The following THSD7B variants were observed in gnomAD, a reference collection of about 807,000 sequenced individuals.
The protein encoded by THSD7B is thrombospondin type 1 domain containing 7B.
A neutral mutation model predicts 213.6 loss-of-function variants in THSD7B; 138 were observed. The observed-to-expected ratio is 0.65, with a 90% CI of 0.56 to 0.74. The LOEUF is 0.74. Ranked by LOEUF, THSD7B falls within the 30% of genes least tolerant of loss-of-function variation. THSD7B has a pLI of 0.00. For missense variants in THSD7B, 1,931 were observed against 1,991.5 expected, an observed-to-expected ratio of 0.97 and a Z score of 0.58; for synonymous variants, 742 against 687.0, an observed-to-expected ratio of 1.08 and a Z score of -1.25.
At chr2:136,916,881 A>G (rs572603439) in intron 2 of THSD7B, among the ~76,000 whole-genome samples, 3 of 152,310 alleles carry the variant, frequency 2.0e-5, no homozygotes, top group African/African-American at 7.2e-5. Context: ...CAATGGCTTC[A>G]TTCTTTAGTC....
At chr2:137,180,270 A>T (rs1195361065) in intron 7 of THSD7B, among the ~76,000 whole-genome samples, 1 of 152,188 alleles carries the variant, frequency 6.6e-6, no homozygotes, top group Non-Finnish European at 1.5e-5. Flanking sequence ...ACTGGCTGTT[A>T]TGTGAGACAA....
intron 12 of THSD7B, among the ~76,000 whole-genome samples, chr2:137,322,453 G>A (rs1269735723): frequency 1.3e-5 from 2 of 152,118 alleles, no homozygotes; most frequent in South Asian, 4.1e-4. Context: ...CTTTACATGG[G>A]TTGTATTTAG....
chr2:136,894,505 A>C (rs1683919059), intron 2 of THSD7B, among the ~76,000 whole-genome samples: 1 of 152,180 alleles, frequency 6.6e-6, no homozygotes. Flanking sequence ...AAAAACGGGA[A>C]TGAATGAGAA....
intron 15 of THSD7B, among the ~76,000 whole-genome samples, chr2:137,497,261 G>A (rs1483613157): frequency 1.3e-5 from 2 of 150,972 alleles, no homozygotes; most frequent in East Asian, 1.9e-4. Flanking sequence ...TCTTTTTCTT[G>A]TTAAAGAAAA....
In THSD7B at chr2:137,007,696, A is replaced by ATAAAAAAGAGAT. The variant is rs374106147; in HGVS notation, c.140-48720_140-48709dup. 4.4e-3 allele frequency among the ~76,000 whole-genome samples: 672 copies of ATAAAAAAGAGAT among 152,276 alleles called. 7 individuals carry two copies. The highest frequency in any genetic ancestry group is 0.015 in the African/African-American group (619 of 41,562). ...GACACACTTGTATCATTTTGGTAGC[A>ATAAAAAAGAGAT]TAAAAAAGAGATTAAGGCATACACA... On this transcript the variant is annotated intron_variant, in intron 2 of 27. Transcript: ENST00000409968.
chr2:137,051,706 G>A (rs1367722713), intron 2 of THSD7B, among the ~76,000 whole-genome samples: 2 of 152,092 alleles, frequency 1.3e-5, no homozygotes, highest in Non-Finnish European at 2.9e-5. Flanking sequence ...CTGTGACAGG[G>A]AAAAATGAAA....
intron 15 of THSD7B, among the ~76,000 whole-genome samples, chr2:137,546,467 T>TA (rs1204690712): frequency 3.5e-5 from 1 of 28,646 alleles, no homozygotes; most frequent in Non-Finnish European, 5.4e-5. Flanking sequence ...ATATATAATA[T>TA]ATATATATAT....
At chr2:136,943,749 G>T (rs1684875494) in intron 2 of THSD7B, among the ~76,000 whole-genome samples, 1 of 151,942 alleles carries the variant, frequency 6.6e-6, no homozygotes, top group Non-Finnish European at 1.5e-5. Flanking sequence ...ATTTTTTATT[G>T]CCTCTATTTG....
chr2:136,985,752 A>G (rs1053781141), intron 2 of THSD7B, among the ~76,000 whole-genome samples: 4 of 152,200 alleles, frequency 2.6e-5, no homozygotes, highest in Non-Finnish European at 2.9e-5. Context: ...CCTGAGAATT[A>G]TGTAGCCACC....
At position 137,560,714 on chromosome 2, in the gene THSD7B, A is replaced by AAT. The variant is rs774896602; in HGVS notation, c.3139-2493_3139-2492dup. ...TACCCTAGAACTTAAGGTATAATAA[A>AAT]ATATATATATATATAAAGAAATGCT... is the stretch of plus-strand genomic sequence containing the variant. On this transcript the variant is annotated intron_variant, in intron 15 of 27. Transcript: ENST00000409968. 1.3e-3 allele frequency among the ~76,000 whole-genome samples: 199 copies of AAT among 150,902 alleles called. 1 individual carries two copies. Among genetic ancestry groups the AAT allele is most frequent in the African/African-American group, 2.4e-3 (101 of 41,232 alleles).
intron 12 of THSD7B, among the ~76,000 whole-genome samples, chr2:137,403,071 G>C (rs970722133): frequency 6.6e-6 from 1 of 152,128 alleles, no homozygotes; most frequent in Admixed American, 6.6e-5. Flanking sequence ...CAAAGAAAAT[G>C]CAGGTGATGT....
chr2:137,053,037 G>A (rs1356165438), intron 2 of THSD7B, among the ~76,000 whole-genome samples: 2 of 152,022 alleles, frequency 1.3e-5, no homozygotes, highest in Non-Finnish European at 2.9e-5. Context: ...CTTTCTAAAT[G>A]TCCTGACCAA....
intron 3 of THSD7B, among the ~76,000 whole-genome samples, chr2:137,080,067 G>C (rs7570612): frequency 0.39 from 59,369 of 150,890 alleles, 13,746 homozygotes; most frequent in African/African-American, 0.65. Context: ...GTCTCAAACT[G>C]CTGACCTCAG....
chr2:137,335,868 G>A (rs1036056983), intron 12 of THSD7B, among the ~76,000 whole-genome samples: 1 of 151,854 alleles, frequency 6.6e-6, no homozygotes, highest in Admixed American at 6.6e-5. Context: ...TGAAATGTTT[G>A]CTTTTCTTTT....
chr2:137,472,150 A>G (rs1435718782), intron 15 of THSD7B, among the ~76,000 whole-genome samples: 1 of 152,206 alleles, frequency 6.6e-6, no homozygotes, highest in Non-Finnish European at 1.5e-5. Context: ...GTAGCTGCTC[A>G]TAATATTAAC....
At chr2:136,895,798 A>G (rs1369360036) in intron 2 of THSD7B, among the ~76,000 whole-genome samples, 1 of 152,108 alleles carries the variant, frequency 6.6e-6, no homozygotes, top group Admixed American at 6.6e-5. Context: ...CCAGGCAACC[A>G]CTAATCTACT....
chr2:137,108,814 G>A (rs1487406381), intron 4 of THSD7B, among the ~76,000 whole-genome samples: 1 of 152,134 alleles, frequency 6.6e-6, no homozygotes, highest in African/African-American at 2.4e-5. Context: ...ATGAGTATCA[G>A]GCATGGGGGG....
Position 137,245,547 on chromosome 2 carries a change from A to G in THSD7B, c.2266+2975A>G, listed in dbSNP as rs560097523. On this transcript the variant is annotated intron_variant, in intron 10 of 27. Coordinates refer to ENST00000409968, the MANE Select transcript of THSD7B (RefSeq NM_001316349.2). ...CTACCAGACTACTGTAGACTCCCCC[A>G]TCCTCCTCCATTAAGTAGATTATCC... Among the ~76,000 whole-genome samples, 2 of 152,146 alleles carry G rather than the reference A, an allele frequency of 1.3e-5. 1 individual carries two copies. Among genetic ancestry groups the G allele is most frequent in the South Asian group, 4.2e-4 (2 of 4,814 alleles).
At chr2:137,649,511 C>A (rs1683100054) in intron 21 of THSD7B, among the ~76,000 whole-genome samples, 1 of 152,032 alleles carries the variant, frequency 6.6e-6, no homozygotes, top group African/African-American at 2.4e-5. Flanking sequence ...TCCAGTTTTC[C>A]CGGTAATATT....
Sources: allele counts gnomAD v4.1 joint callset (sites outside exome capture counted in the v4.1 genomes callset), GRCh38; gene constraint gnomAD v4.1.1; transcripts MANE v1.5; gene names NCBI Gene and HGNC (gene_info 2026-07-23, HGNC 2026-07-21).